ST8SIA3: variants seen among roughly 807,000 people sequenced by gnomAD.
The protein encoded by ST8SIA3 is alpha-N-acetylneuraminate alpha-2,8-sialyltransferase ST8SIA3.
Under a neutral mutation model 34.5 loss-of-function variants are expected in ST8SIA3, and 17 were observed. The observed-to-expected ratio is 0.49, with a 90% CI of 0.34 to 0.74. The LOEUF is 0.74. Ranked by LOEUF, ST8SIA3 falls within the 30% of genes least tolerant of loss-of-function variation. ST8SIA3 has a pLI of 0.01. For synonymous variants in ST8SIA3, 172 were observed against 176.1 expected (o/e 0.98, Z 0.19); for missense variants, 354 against 467.8 (o/e 0.76, Z 2.24).
intron 2 of ST8SIA3, 84 bp from the exon 3 acceptor site, chr18:57,356,829 T>C: frequency 1.1e-6 from 1 of 898,648 alleles, no homozygotes; most frequent in Non-Finnish European, 1.7e-6. Context: ...AGATTCCCTC[T>C]GAATGAAATG....
Position 57,362,576 on chromosome 18 carries a change from G to T in ST8SIA3, c.*2299G>T, listed in dbSNP as rs2049837769. 6.6e-6 allele frequency: 1 copy of T among 152,122 alleles called. No individual in the cohort carries two copies. The highest frequency in any genetic ancestry group is 1.5e-5 in the Non-Finnish European group (1 of 68,028). The allele number at this position is 152,122 out of a possible 1,614,324, so 9.4% of individuals were successfully genotyped here. A position where few individuals can be genotyped will look rare whatever the true frequency, so the allele number is the denominator to read the frequency against. On this transcript the variant is annotated 3_prime_UTR_variant, in exon 4 of 4. Transcript: ENST00000324000. ...TCAGGGAGATTTTTTAAATCTCCTTGCAGTCTTGGCTCCATCTTAACCTTA... is the reference window on the plus strand; with the variant it reads ...TCAGGGAGATTTTTTAAATCTCCTTTCAGTCTTGGCTCCATCTTAACCTTA...
intron 3 of ST8SIA3, among the ~76,000 whole-genome samples, chr18:57,358,607 G>C (rs911393684): frequency 1.3e-5 from 2 of 152,098 alleles, no homozygotes; most frequent in African/African-American, 4.8e-5. Flanking sequence ...AGAGAAAGAG[G>C]GTGCTATTAA....
At chr18:57,353,224 C>T (rs1453068109) in intron 1 of ST8SIA3, among the ~76,000 whole-genome samples, 199 bp downstream of exon 1, 2 of 152,080 alleles carry the variant, frequency 1.3e-5, no homozygotes, top group Non-Finnish European at 2.9e-5. Flanking sequence ...CCCTAGAAGC[C>T]GCTGTCCAAA....
At chr18:57,356,059 G>A (rs1017987331) in intron 2 of ST8SIA3, among the ~76,000 whole-genome samples, 67 of 152,272 alleles carry the variant, frequency 4.4e-4, no homozygotes, top group African/African-American at 1.6e-3. Context: ...GGAGAATCTA[G>A]CAGCAGTAGC....
intron 3 of ST8SIA3, 98 bp from the exon 4 acceptor site, chr18:57,359,897 A>G (rs560717534): frequency 9.6e-7 from 1 of 1,043,608 alleles, no homozygotes; most frequent in East Asian, 2.6e-5. Context: ...TATTTAAGTT[A>G]CAGTAACAAA....
chr18:57,356,951 T>C lies in ST8SIA3; in HGVS notation c.341T>C (p.Phe114Ser). The part of the protein sequence containing the change: ...ILQHVDVIKN[F>S]SLTKNSVRIG... ...CAGCATGTCGATGTAATAAAAAATT[T>C]TTCTTTGACCAAGAATAGTGTTCGG... The change falls in exon 3 of 4, where the codon TTT becomes TCT. Residue 114 changes from phenylalanine (F) to serine (S), a missense_variant. By Grantham distance (155) the Phe-to-Ser change is radical. Around this residue, in one of 3 missense-constraint regions of ST8SIA3, gnomAD observed 184 missense variants for 205.4 expected, o/e 0.90. Transcript: ENST00000324000. 1 of 1,600,388 alleles carries C rather than the reference T, an allele frequency of 6.2e-7. No individual in the cohort carries two copies. Among genetic ancestry groups the C allele is most frequent in the Non-Finnish European group, 8.5e-7 (1 of 1,174,032 alleles).
rs374812983 is a variant in ST8SIA3 at position 57,360,307 on chromosome 18, G to C, written c.*30G>C. ...TCCAAACGGAAAGCGCCAAATGGCT[G>C]TTTAAAAAGTGCCCCAAATCAAATT... On this transcript the variant is annotated 3_prime_UTR_variant, in exon 4 of 4. Transcript: ENST00000324000. 49 of 1,594,546 alleles carry C rather than the reference G, an allele frequency of 3.1e-5. No individual in the cohort carries two copies. Among genetic ancestry groups the C allele is most frequent in the African/African-American group, 1.2e-4 (9 of 74,242 alleles).
chr18:57,360,500 G>C lies in ST8SIA3; in HGVS notation c.*223G>C, dbSNP rs144273949. On this transcript the variant is annotated 3_prime_UTR_variant, in exon 4 of 4. Transcript: ENST00000324000. The stretch of plus-strand genomic sequence containing the variant: ...TTTAGACTTGATTGATAAAGGGAAT[G>C]TTGCATTTGGGACTATGCTGCTAAC... 1.8e-6 allele frequency: 1 copy of C among 543,426 alleles called. No individual in the cohort carries two copies. 33.7% of individuals were successfully genotyped at this position (543,426 alleles called of 1,614,324 possible).
rs1294679778 is a variant in ST8SIA3, at chr18:57,362,364, T to C, written c.*2087T>C. 1 of 152,230 alleles carries C rather than the reference T, an allele frequency of 6.6e-6. No homozygotes were observed. Among genetic ancestry groups the C allele is most frequent in the Non-Finnish European group, 1.5e-5 (1 of 68,036 alleles). 9.4% of individuals were successfully genotyped at this position (152,230 alleles called of 1,614,324 possible). ...TGCCAATATTACTTGGGCCAGATTC[T>C]GACTCTGGAGTTTTAATCCCAATGT... On this transcript the variant is annotated 3_prime_UTR_variant, in exon 4 of 4. Transcript: ENST00000324000.
Position 57,357,117 on chromosome 18 carries a change from G to A in ST8SIA3, c.507G>A (p.Gly169=), listed in dbSNP as rs905465848. 1 of 1,614,044 alleles carries A rather than the reference G, an allele frequency of 6.2e-7. No homozygotes were observed. The highest frequency in any genetic ancestry group is 2.2e-5 in the East Asian group (1 of 44,888). Reference sequence around the variant, plus strand: ...TTTGTGCTGTGGTTGGAAATAGTGGGATCCTGACAGGGAGCCAGTGTGGAC... The same window carrying A: ...TTTGTGCTGTGGTTGGAAATAGTGGAATCCTGACAGGGAGCCAGTGTGGAC... ...YNICAVVGNS[G]ILTGSQCGQE... Residue 169 remains glycine, a synonymous_variant, in exon 3 of 4, where the codon GGG becomes GGA. Transcript: ENST00000324000.
Position 57,352,952 on chromosome 18 carries a change from G to A in ST8SIA3, c.106G>A (p.Glu36Lys). The A allele has an allele frequency of 6.2e-7, 1 of 1,613,442 alleles. No individual in the cohort carries two copies. The highest frequency in any genetic ancestry group is 1.1e-5 in the South Asian group (1 of 91,052). The change falls in exon 1 of 4, where the codon GAG (glutamate) becomes AAG (lysine). Residue 36 changes from glutamate to lysine, a missense_variant. Physicochemically the swap from Glu to Lys is moderately conservative, Grantham distance 56. Around this residue, in one of 3 missense-constraint regions of ST8SIA3, gnomAD observed 184 missense variants for 205.4 expected, o/e 0.90. Transcript: ENST00000324000. ...SLISYVSLKKENIFTTPKYAS... is the reference protein window; with the variant it reads ...SLISYVSLKKKNIFTTPKYAS... ...CATCAGCTACGTGTCCCTGAAAAAGGAGAACATCTTCACCACTCCCAAGTA... is the reference window on the plus strand; with the variant it reads ...CATCAGCTACGTGTCCCTGAAAAAGAAGAACATCTTCACCACTCCCAAGTA...
At position 57,366,582 on chromosome 18, in the gene ST8SIA3, G is replaced by A. The variant is rs1028915242; in HGVS notation, c.*6305G>A. The A allele has an allele frequency of 6.6e-5, 10 of 152,176 alleles. No individual in the cohort carries two copies. Among genetic ancestry groups the A allele is most frequent in the African/African-American group, 2.4e-4 (10 of 41,426 alleles). 9.4% of individuals were successfully genotyped at this position (152,176 alleles called of 1,614,324 possible). Reference sequence around the variant, plus strand: ...GTACCCACAAAACAGTGCCTGCAAAGGAGCAGGGGAAGAACAAGGCACCCA... The same window carrying A: ...GTACCCACAAAACAGTGCCTGCAAAAGAGCAGGGGAAGAACAAGGCACCCA... On this transcript the variant is annotated 3_prime_UTR_variant, in exon 4 of 4. Coordinates refer to ENST00000324000, the MANE Select transcript of ST8SIA3 (RefSeq NM_015879.3).
chr18:57,356,871 C>A (rs753562360), intron 2 of ST8SIA3, 42 bp from the exon 3 acceptor site: 10 of 1,294,868 alleles, frequency 7.7e-6, no homozygotes, highest in Non-Finnish European at 1.1e-5. Context: ...AAAATCAGTT[C>A]TTCTGAATGG....
rs1451112713 is a variant in ST8SIA3, at chr18:57,365,545, T to C, written c.*5268T>C. The C allele has an allele frequency of 1.3e-5, 2 of 152,212 alleles. No individual in the cohort carries two copies. Among genetic ancestry groups the C allele is most frequent in the African/African-American group, 2.4e-5 (1 of 41,458 alleles). 9.4% of individuals were successfully genotyped at this position (152,212 alleles called of 1,614,324 possible). The stretch of plus-strand genomic sequence containing the variant: ...GATCTCAGGTCACTCATCTTTAGAA[T>C]TGGTGAGAATGAGAAACAGGGAACT... On this transcript the variant is annotated 3_prime_UTR_variant, in exon 4 of 4. Coordinates refer to ENST00000324000, the MANE Select transcript of ST8SIA3 (RefSeq NM_015879.3).
chr18:57,352,882 G>A lies in ST8SIA3; in HGVS notation c.36G>A (p.Val12=), dbSNP rs1305532763. ...RNCKMARVAS[V]LGLVMLSVAL... ...GCAAAATGGCCCGGGTCGCCAGTGT[G>A]CTGGGGCTGGTCATGCTCAGCGTCG... is the stretch of plus-strand genomic sequence containing the variant. Residue 12 remains valine, a synonymous_variant, in exon 1 of 4, where the codon GTG becomes GTA. Transcript: ENST00000324000. The A allele has an allele frequency of 1.2e-6, 2 of 1,613,802 alleles. No homozygotes were observed. The highest frequency in any genetic ancestry group is 1.7e-6 in the Non-Finnish European group (2 of 1,180,012).
At chr18:57,354,584 A>G (rs1476643154) in intron 2 of ST8SIA3, 60 bp downstream of exon 2, 2 of 1,593,372 alleles carry the variant, frequency 1.3e-6, no homozygotes, top group Non-Finnish European at 1.7e-6. Flanking sequence ...TCAAAACAAA[A>G]CAAAACAAAA....
In ST8SIA3 at chr18:57,360,489, A is replaced by G. The variant is rs2049824245; in HGVS notation, c.*212A>G. On this transcript the variant is annotated 3_prime_UTR_variant, in exon 4 of 4. Transcript: ENST00000324000. ...AAGCCACATGGTTTAGACTTGATTG[A>G]TAAAGGGAATGTTGCATTTGGGACT... 1 of 558,338 alleles carries G rather than the reference A, an allele frequency of 1.8e-6. No homozygotes were observed. Among genetic ancestry groups the G allele is most frequent in the Non-Finnish European group, 3.1e-6 (1 of 317,504 alleles). 34.6% of individuals were successfully genotyped at this position (558,338 alleles called of 1,614,324 possible).
At chr18:57,353,121 G>A (rs886133902) in intron 1 of ST8SIA3, 96 bp downstream of exon 1, 14 of 1,275,662 alleles carry the variant, frequency 1.1e-5, no homozygotes, top group Non-Finnish European at 1.5e-5. Flanking sequence ...TGGCCTCTCC[G>A]AGACTCTTTG....
chr18:57,354,519 T>C lies in ST8SIA3; in HGVS notation c.297T>C (p.His99=). ...AATTTAATCGGACAGCGTTTTTACA[T>C]CAAAGGTAGGATAGGAGGAAAAGAT... The part of the protein sequence containing the change: ...KWKFNRTAFL[H]QRQEILQHVD... The change falls in exon 2 of 4, where the codon CAT becomes CAC. Residue 99 remains histidine (H), a synonymous_variant. Coordinates refer to ENST00000324000, the MANE Select transcript of ST8SIA3 (RefSeq NM_015879.3). The C allele has an allele frequency of 6.2e-7, 1 of 1,614,068 alleles. No individual in the cohort carries two copies. Among genetic ancestry groups the C allele is most frequent in the Non-Finnish European group, 8.5e-7 (1 of 1,179,958 alleles).
Sources: gnomAD v4.1 joint callset for allele counts (sites outside exome capture counted in the v4.1 genomes callset) on GRCh38, gnomAD v4.1.1 for gene constraint, gnomAD v4.1.1 regional missense constraint, MANE v1.5 for transcripts, NCBI Gene and HGNC (gene_info 2026-07-23, HGNC 2026-07-21) for gene names.